MALRD1: variants seen among roughly 807,000 people sequenced by gnomAD.
MALRD1 encodes MAM and LDL-receptor class A domain-containing protein 1.
MALRD1 carries 247 observed loss-of-function variants against 242.1 expected under a neutral mutation model. The ratio of observed to expected loss-of-function variants is 1.02; its 90% CI spans 0.92 to 1.13. MALRD1 has a LOEUF of 1.13. Ranked by LOEUF, MALRD1 falls within the 50% of genes most tolerant of loss-of-function variation. The pLI is 0.00. For missense variants in MALRD1, 2,989 were observed against 2,533.1 expected (o/e 1.18, Z -3.86); for synonymous variants, 995 against 866.6 (o/e 1.15, Z -2.60).
chr10:19,073,676 A>G (rs1835228771), intron 2 of MALRD1, among the ~76,000 whole-genome samples: 1 of 152,126 alleles, frequency 6.6e-6, no homozygotes. Context: ...TGCATGTGCA[A>G]ATATTTCAAA....
At chr10:19,713,739 G>C (rs1460597167) in intron 38 of MALRD1, among the ~76,000 whole-genome samples, 2 of 152,152 alleles carry the variant, frequency 1.3e-5, no homozygotes, top group Non-Finnish European at 2.9e-5. Flanking sequence ...AGGAGAGAAA[G>C]TACTAGACAC....
intron 36 of MALRD1, among the ~76,000 whole-genome samples, chr10:19,691,305 T>A (rs1047658629): frequency 1.3e-5 from 2 of 152,094 alleles, no homozygotes; most frequent in Admixed American, 6.5e-5. Context: ...ACCTCCACGC[T>A]TTTTATATTT....
At chr10:19,308,316 C>T (rs887418471) in intron 21 of MALRD1, among the ~76,000 whole-genome samples, 2 of 151,422 alleles carry the variant, frequency 1.3e-5, no homozygotes, top group African/African-American at 4.8e-5. Flanking sequence ...GCATTTATCA[C>T]GGCTTTGCAT....
At chr10:19,106,730 T>C (rs1836478147) in intron 5 of MALRD1, among the ~76,000 whole-genome samples, 1 of 152,034 alleles carries the variant, frequency 6.6e-6, no homozygotes, top group South Asian at 2.1e-4. Flanking sequence ...CATTAGGTTG[T>C]TTGAGCTCTT....
chr10:19,529,259 A>G (rs1834232034), intron 31 of MALRD1, among the ~76,000 whole-genome samples: 1 of 152,146 alleles, frequency 6.6e-6, no homozygotes, highest in Non-Finnish European at 1.5e-5. Flanking sequence ...ATGCCCAATT[A>G]TATTATAAGA....
At chr10:19,468,083 C>CA (rs1836310878) in intron 29 of MALRD1, among the ~76,000 whole-genome samples, 1 of 144,718 alleles carries the variant, frequency 6.9e-6, no homozygotes, top group South Asian at 2.3e-4. Flanking sequence ...TGTGAGCTAC[C>CA]ACACCTGGCC....
chr10:19,274,823 G>A (rs1564521079), intron 19 of MALRD1, among the ~76,000 whole-genome samples: 1 of 152,056 alleles, frequency 6.6e-6, no homozygotes, highest in Admixed American at 6.6e-5. Flanking sequence ...GAGCTGGGGG[G>A]AGGCAGGAAG....
At chr10:19,526,354 T>TC (rs1266556476) in intron 31 of MALRD1, among the ~76,000 whole-genome samples, 3 of 33,966 alleles carry the variant, frequency 8.8e-5, no homozygotes, top group Non-Finnish European at 3.0e-4. Context: ...TTTATGATTC[T>TC]CCAAAAAAAA....
At chr10:19,327,421 T>TA (rs1843178924) in intron 22 of MALRD1, 142 bp from the exon 23 acceptor site, 2 of 594,324 alleles carry the variant, frequency 3.4e-6, no homozygotes, top group South Asian at 4.7e-5. Context: ...AGATATCTAA[T>TA]AAAAAATATC....
At chr10:19,103,555 A>G (rs1836349094) in intron 4 of MALRD1, among the ~76,000 whole-genome samples, 1 of 145,926 alleles carries the variant, frequency 6.9e-6, no homozygotes, top group Admixed American at 6.7e-5. Flanking sequence ...CCGTCTCAAA[A>G]AAAAAAAAAA....
At chr10:19,606,412 T>C (rs886415774) in intron 34 of MALRD1, among the ~76,000 whole-genome samples, 1 of 152,156 alleles carries the variant, frequency 6.6e-6, no homozygotes, top group Non-Finnish European at 1.5e-5. Flanking sequence ...ACAAAGCTGT[T>C]CTTGTTGAAC....
rs951408310 is a variant in MALRD1 at position 19,048,869 on chromosome 10, A to G, written c.-70A>G. 3.5e-6 allele frequency: 4 copies of G among 1,141,770 alleles called. No individual in the cohort carries two copies. Among genetic ancestry groups the G allele is most frequent in the Middle Eastern group, 2.2e-4 (1 of 4,640 alleles). 70.7% of individuals were successfully genotyped at this position (1,141,770 alleles called of 1,614,324 possible). ...AATCTGGGAAAGGAAGAATAGAGAA[A>G]TAAAAGAATGTTTCCAATGATGGAC... On this transcript the variant is annotated 5_prime_UTR_variant, in exon 1 of 40. Coordinates refer to ENST00000454679, the MANE Select transcript of MALRD1 (RefSeq NM_001142308.3).
At position 19,175,150 on chromosome 10, in the gene MALRD1, T is replaced by C. The variant is rs184845077; in HGVS notation, c.1831-58T>C. The C allele has an allele frequency of 6.3e-4, 729 of 1,162,856 alleles. 4 individuals are homozygous for C. The African/African-American group carries it at 0.01, about 17-fold the overall frequency. The allele number at this position is 1,162,856 out of a possible 1,614,324, so 72.0% of individuals were successfully genotyped here. A position where few individuals can be genotyped will look rare whatever the true frequency, so the allele number is the denominator to read the frequency against. On this transcript the variant is annotated intron_variant, in intron 13 of 39. Coordinates refer to ENST00000454679, the MANE Select transcript of MALRD1 (RefSeq NM_001142308.3). Reference sequence around the variant, plus strand: ...GGTTCCTCTACACAAAGAAATATGATTGTAAGACATTACTTTTGTGATGTG... The same window carrying C: ...GGTTCCTCTACACAAAGAAATATGACTGTAAGACATTACTTTTGTGATGTG...
intron 32 of MALRD1, among the ~76,000 whole-genome samples, chr10:19,554,228 C>T (rs1835614190): frequency 6.6e-6 from 1 of 152,064 alleles, no homozygotes; most frequent in African/African-American, 2.4e-5. Flanking sequence ...GTAGGTTCTA[C>T]AGGAAGCTGG....
At chr10:19,312,008 C>A (rs1471026700) in intron 21 of MALRD1, among the ~76,000 whole-genome samples, 1 of 151,354 alleles carries the variant, frequency 6.6e-6, no homozygotes, top group African/African-American at 2.4e-5. Flanking sequence ...CTTTCCATCA[C>A]AGGCCATGAT....
chr10:19,217,002 A>G (rs1837349593), intron 18 of MALRD1, among the ~76,000 whole-genome samples: 1 of 152,090 alleles, frequency 6.6e-6, no homozygotes, highest in South Asian at 2.1e-4. Context: ...GAGAGGCCAA[A>G]CCAATGGCTC....
At chr10:19,233,362 T>A (rs754535671) in intron 18 of MALRD1, among the ~76,000 whole-genome samples, 7 of 151,840 alleles carry the variant, frequency 4.6e-5, no homozygotes, top group Non-Finnish European at 7.4e-5. Context: ...ATTAGCCAGG[T>A]GTGGTGGCGA....
intron 21 of MALRD1, among the ~76,000 whole-genome samples, chr10:19,306,518 A>T (rs1246732802): frequency 6.8e-6 from 1 of 146,660 alleles, no homozygotes; most frequent in Non-Finnish European, 1.5e-5. Flanking sequence ...TATAGTATAT[A>T]TAGTGTCGTA....
At chr10:19,697,740 A>G (rs1184511139) in intron 38 of MALRD1, among the ~76,000 whole-genome samples, 1 of 151,060 alleles carries the variant, frequency 6.6e-6, no homozygotes, top group Non-Finnish European at 1.5e-5. Flanking sequence ...GCTCTCTTCT[A>G]TTTCTCTCAT....
Sources: gnomAD v4.1 joint callset for allele counts (sites outside exome capture counted in the v4.1 genomes callset) on GRCh38, gnomAD v4.1.1 for gene constraint, MANE v1.5 for transcripts, NCBI Gene and HGNC (gene_info 2026-07-23, HGNC 2026-07-21) for gene names.